The following SHTN1 variants were observed in gnomAD, a reference collection of about 807,000 sequenced individuals.
SHTN1 encodes the protein shootin-1.
Under a neutral mutation model 83.1 loss-of-function variants are expected in SHTN1, and 42 were observed. The ratio of observed to expected loss-of-function variants is 0.51; its 90% CI spans 0.39 to 0.65. The LOEUF is 0.65. SHTN1 is among the 30% of genes least tolerant of loss of function. The pLI is 0.00. For missense variants in SHTN1, 622 were observed against 737.8 expected (o/e 0.84, Z 1.82); for synonymous variants, 224 against 247.7 (o/e 0.90, Z 0.90).
At chr10:117,001,399 G>A (rs1480401992) in intron 1 of SHTN1, among the ~76,000 whole-genome samples, 2 of 152,162 alleles carry the variant, frequency 1.3e-5, no homozygotes, top group African/African-American at 4.8e-5. Flanking sequence ...ATAAATTAGA[G>A]ATTGTTCATA....
In SHTN1 at chr10:116,883,526, C is replaced by A. The variant is rs560907848; in HGVS notation, c.*2818G>T. On this transcript the variant is annotated 3_prime_UTR_variant, in exon 17 of 17. Coordinates refer to ENST00000355371, the MANE Select transcript of SHTN1 (RefSeq NM_001127211.3). ...TATATAAGCTAATGTTGTTCCACAA[C>A]GAGTGTAACTGAACAGGTAGAGTAT... 16 of 152,276 alleles carry A rather than the reference C, an allele frequency of 1.1e-4. 1 individual carries two copies. The highest frequency in any genetic ancestry group is 3.9e-4 in the African/African-American group (16 of 41,556). The allele number at this position is 152,276 out of a possible 1,614,324, so 9.4% of individuals were successfully genotyped here.
At chr10:117,036,852 T>G (rs1199538250) in intron 2 of SHTN1, among the ~76,000 whole-genome samples, 2 of 152,218 alleles carry the variant, frequency 1.3e-5, no homozygotes, top group Non-Finnish European at 2.9e-5. Flanking sequence ...AATGTGGCTA[T>G]TATGCATTAC....
chr10:117,003,232 G>A (rs932601739), intron 1 of SHTN1, among the ~76,000 whole-genome samples: 6 of 151,654 alleles, frequency 4.0e-5, no homozygotes, highest in Admixed American at 1.3e-4. Flanking sequence ...TGGGTTGGGC[G>A]AAGGTGTATT....
intron 16 of SHTN1, among the ~76,000 whole-genome samples, chr10:116,891,080 G>A (rs1012801322): frequency 1.3e-5 from 2 of 152,200 alleles, no homozygotes; most frequent in African/African-American, 4.8e-5. Flanking sequence ...CAAAGCTCAT[G>A]AAATGAAGGG....
At chr10:117,052,966 G>A (rs1448266070) in intron 1 of SHTN1, among the ~76,000 whole-genome samples, 1 of 128,150 alleles carries the variant, frequency 7.8e-6, no homozygotes, top group Non-Finnish European at 1.6e-5. Context: ...CTTGCAGTGA[G>A]CCAAGATCAT....
At chr10:117,103,170 A>G (rs531557133) in intron 1 of SHTN1, among the ~76,000 whole-genome samples, 25 of 151,250 alleles carry the variant, frequency 1.7e-4, no homozygotes, top group African/African-American at 6.1e-4. Flanking sequence ...GCTCACTGCA[A>G]CCTCTGCCTC....
rs764158855 is a variant in SHTN1 at position 116,979,265 on chromosome 10, T to G, written c.102A>C (p.Thr34=). ...AAGGTAAAGTACAAACCTTCTCCTT[T>G]GTTTTCTGGTTCTCTGCTCTAAGGT... ...YEDLRAENQK[T]KEKCDKIRQE... is the part of the protein sequence containing the mutation. Residue 34 remains threonine, a synonymous_variant, in exon 2 of 17, where the codon ACA becomes ACC. Transcript: ENST00000355371. 1.9e-6 allele frequency: 3 copies of G among 1,613,898 alleles called. No individual in the cohort carries two copies. The highest frequency in any genetic ancestry group is 2.5e-6 in the Non-Finnish European group (3 of 1,179,798).
chr10:117,016,361 C>T (rs761331863), intron 2 of SHTN1, among the ~76,000 whole-genome samples: 1 of 152,154 alleles, frequency 6.6e-6, no homozygotes, highest in African/African-American at 2.4e-5. Flanking sequence ...AGGATGAAAT[C>T]ATACAAAAGA....
At chr10:117,081,764 G>A (rs1264148240) in intron 1 of SHTN1, among the ~76,000 whole-genome samples, 48 of 149,256 alleles carry the variant, frequency 3.2e-4, no homozygotes, top group African/African-American at 1.0e-3. Flanking sequence ...TTAGTCTTGG[G>A]AGAGTGTATG....
chr10:116,944,165 T>G (rs929368017), intron 8 of SHTN1, among the ~76,000 whole-genome samples: 14 of 152,208 alleles, frequency 9.2e-5, no homozygotes, highest in African/African-American at 3.4e-4. Flanking sequence ...TGAGATGGTA[T>G]ATGGAGATAC....
At chr10:117,005,940 C>T (rs1190587896), upstream of SHTN1, among the ~76,000 whole-genome samples, 2 of 152,188 alleles carry the variant, frequency 1.3e-5, no homozygotes, top group Non-Finnish European at 2.9e-5. Context: ...AGCCCCCGGG[C>T]AGCAGAGGCT....
intron 1 of SHTN1, among the ~76,000 whole-genome samples, chr10:117,073,702 C>A (rs953388791): frequency 6.6e-6 from 1 of 152,202 alleles, no homozygotes; most frequent in East Asian, 1.9e-4. Context: ...CTGACATGAA[C>A]CCTGAGGCTA....
At chr10:116,974,735 T>G (rs1014319990) in intron 2 of SHTN1, among the ~76,000 whole-genome samples, 1 of 152,094 alleles carries the variant, frequency 6.6e-6, no homozygotes, top group Non-Finnish European at 1.5e-5. Flanking sequence ...TATACAGATT[T>G]CCTTCTTTTT....
At chr10:116,976,297 G>A (rs1221370617) in intron 2 of SHTN1, among the ~76,000 whole-genome samples, 2 of 152,176 alleles carry the variant, frequency 1.3e-5, no homozygotes, top group East Asian at 1.9e-4. Context: ...TTGTCTCAAC[G>A]CAAGAGAGTC....
intron 1 of SHTN1, among the ~76,000 whole-genome samples, chr10:117,058,161 AAAAATAGACAAGTTGGACTCCATG>A (rs1852851744): frequency 1.3e-5 from 2 of 152,224 alleles, no homozygotes. Flanking sequence ...AACAAAAGGA[AAAAATAGACAAGTTGGACTCCATG>A]AAAATCAAAA....
In SHTN1 at chr10:116,913,929, T is replaced by C. The variant is rs142831068; in HGVS notation, c.1305+1446A>G. 4.9e-3 allele frequency among the ~76,000 whole-genome samples: 750 copies of C among 152,348 alleles called. 1 individual carries two copies. The highest frequency in any genetic ancestry group is 7.9e-3 in the Non-Finnish European group (539 of 68,032). On this transcript the variant is annotated intron_variant, in intron 13 of 16. Transcript: ENST00000355371. ...GCACTGGGCCAGCTGTGCCAGATCATTCTACACACTCAGCTTCTCCTCCAG... is the reference window on the plus strand; with the variant it reads ...GCACTGGGCCAGCTGTGCCAGATCACTCTACACACTCAGCTTCTCCTCCAG...
rs539985177 is a variant in SHTN1 at position 116,993,413 on chromosome 10, G to A, written c.58+11609C>T. ...GGCTTAAAGATAGCAATGAGCACTC[G>A]TAAATTAAATTTACTTAAAACTCCA... On this transcript the variant is annotated intron_variant, in intron 1 of 16. Coordinates refer to ENST00000355371, the MANE Select transcript of SHTN1 (RefSeq NM_001127211.3). 7.4e-4 allele frequency among the ~76,000 whole-genome samples: 112 copies of A among 152,178 alleles called. 2 individuals carry two copies. In the South Asian group the frequency reaches 0.022, roughly 30 times the overall value.
chr10:117,021,122 C>T (rs1429574114), intron 2 of SHTN1, among the ~76,000 whole-genome samples: 2 of 152,166 alleles, frequency 1.3e-5, no homozygotes, highest in African/African-American at 4.8e-5. Context: ...CCTGTAATCC[C>T]AGCACTTTGG....
intron 1 of SHTN1, among the ~76,000 whole-genome samples, chr10:117,117,806 C>T (rs1432446267): frequency 1.2e-4 from 18 of 152,132 alleles, no homozygotes; most frequent in Admixed American, 1.2e-3. Context: ...ACAGTCTCTT[C>T]AATAAACAGT....
Sources: allele counts gnomAD v4.1 joint callset (sites outside exome capture counted in the v4.1 genomes callset), GRCh38; gene constraint gnomAD v4.1.1; transcripts MANE v1.5; gene names NCBI Gene and HGNC (gene_info 2026-07-23, HGNC 2026-07-21).